Variants in DST observed in about 807,000 individuals in gnomAD.
DST encodes the protein bullous pemphigoid antigen.
A neutral mutation model predicts 875.2 loss-of-function variants in DST; 253 were observed. That is an observed-to-expected ratio of 0.29 (90% confidence interval 0.26 to 0.32). The LOEUF is 0.32. Ranked by LOEUF, DST falls within the 10% of genes least tolerant of loss-of-function variation. The pLI is 1.00. For missense variants in DST, 8,287 were observed against 9,111.6 expected (o/e 0.91, Z 3.68); for synonymous variants, 3,124 against 3,197.1 (o/e 0.98, Z 0.77).
intron 24 of DST, 22 bp downstream of exon 24, chr6:56,635,567 T>C: frequency 1.2e-6 from 2 of 1,613,024 alleles, no homozygotes; most frequent in Non-Finnish European, 1.7e-6. Flanking sequence ...ACTTATAAAA[T>C]GCATAGGTTT....
At chr6:56,547,163 C>T (rs1232856580) in intron 61 of DST, among the ~76,000 whole-genome samples, 1 of 152,062 alleles carries the variant, frequency 6.6e-6, no homozygotes, top group African/African-American at 2.4e-5. Flanking sequence ...TGGTATATTC[C>T]TTGTATCATG....
At position 56,900,460 on chromosome 6, in the gene DST, T is replaced by A. The variant is rs1353549852; in HGVS notation, c.378A>T (p.Glu126Asp). 7.3e-7 allele frequency: 1 copy of A among 1,367,616 alleles called. No homozygotes were observed. Among genetic ancestry groups the A allele is most frequent in the Non-Finnish European group, 9.8e-7 (1 of 1,021,872 alleles). 84.7% of individuals were successfully genotyped at this position (1,367,616 alleles called of 1,614,324 possible). A position where few individuals can be genotyped will look rare whatever the true frequency, so the allele number is the denominator to read the frequency against. ...RIKKSSRVQP[E>D]FYHSVQGASI... ...AAGCACCTTGAACAGAGTGATAAAATTCTGGCTGGACTCGGCTGCTCTTCT... is the reference window on the plus strand; with the variant it reads ...AAGCACCTTGAACAGAGTGATAAAAATCTGGCTGGACTCGGCTGCTCTTCT... The change falls in exon 3 of 104, where the codon GAA (glutamate) becomes GAT (aspartate). Residue 126 changes from glutamate to aspartate, a missense_variant. Glu to Asp is a conservative substitution (Grantham distance 45). Transcript: ENST00000680361.
intron 2 of DST, among the ~76,000 whole-genome samples, chr6:56,920,936 G>A (rs567446996): frequency 1.6e-4 from 21 of 131,368 alleles, no homozygotes; most frequent in Non-Finnish European, 2.6e-4. Context: ...CAGAGACAGG[G>A]TTTCCCTACG....
intron 4 of DST, among the ~76,000 whole-genome samples, chr6:56,765,724 A>G (rs2099631688): frequency 6.6e-6 from 1 of 152,160 alleles, no homozygotes; most frequent in African/African-American, 2.4e-5. Context: ...AAGTTAAAGC[A>G]ATTACTAGCA....
rs1433627829 is a variant in DST at position 56,509,833 on chromosome 6, C to T, written c.18821G>A (p.Arg6274His). Reference sequence around the variant, plus strand: ...TGGCTGCCTCAGACGTTCCACGATGCGTTCCAGGCTCTCAAGGATCTGATC... The same window carrying T: ...TGGCTGCCTCAGACGTTCCACGATGTGTTCCAGGCTCTCAAGGATCTGATC... ...KIDQILESLE[R>H]IVERLRQPPS... The change falls in exon 74 of 104, where the codon CGC (arginine) becomes CAC (histidine). Residue 6274 changes from arginine to histidine, a missense_variant. This residue lies in a region of DST where 1,292 missense variants were observed against 1,552.7 expected (regional missense o/e 0.83). Transcript: ENST00000680361. 5 of 1,613,288 alleles carry T rather than the reference C, an allele frequency of 3.1e-6. No homozygotes were observed. The highest frequency in any genetic ancestry group is 2.2e-5 in the South Asian group (2 of 90,950).
intron 49 of DST, 59 bp from the exon 50 acceptor site, chr6:56,578,996 G>T: frequency 7.3e-7 from 1 of 1,377,906 alleles, no homozygotes; most frequent in African/African-American, 1.5e-5. Context: ...GATTTCTAAT[G>T]TGGAAAAAAT....
chr6:56,629,233 C>T lies in DST; in HGVS notation c.4475+17G>A. ...ACATTAAATCTGTGCTAAAACTGAA[C>T]AAAAAAGGATACTAACCTGTTGTCA... On this transcript the variant is annotated intron_variant, in intron 32 of 103. Coordinates refer to ENST00000680361, the MANE Select transcript of DST (RefSeq NM_001374736.1). 1.9e-6 allele frequency: 3 copies of T among 1,613,022 alleles called. No individual in the cohort carries two copies. The highest frequency in any genetic ancestry group is 1.7e-6 in the Non-Finnish European group (2 of 1,179,242).
At chr6:56,499,905 A>C (rs2096064435) in intron 80 of DST, among the ~76,000 whole-genome samples, 1 of 152,190 alleles carries the variant, frequency 6.6e-6, no homozygotes, top group Non-Finnish European at 1.5e-5. Context: ...TTAGGGCTTT[A>C]AGCAAATGTA....
chr6:56,564,626 G>C (rs1281888818), intron 55 of DST, among the ~76,000 whole-genome samples: 1 of 152,196 alleles, frequency 6.6e-6, no homozygotes, highest in African/African-American at 2.4e-5. Flanking sequence ...GGACTGGTGA[G>C]AGAGGGCATC....
At chr6:56,679,340 C>T (rs780628852) in intron 9 of DST, among the ~76,000 whole-genome samples, 4 of 152,084 alleles carry the variant, frequency 2.6e-5, no homozygotes, top group Non-Finnish European at 4.4e-5. Flanking sequence ...AAAAGCATAC[C>T]ACCATGTGGA....
At chr6:56,861,884 G>C (rs1562211785) in intron 3 of DST, 1 of 152,310 alleles carries the variant, frequency 6.6e-6, no homozygotes, top group Non-Finnish European at 1.5e-5. Flanking sequence ...ACCAGGCCTG[G>C]CCTCATGGAG....
intron 36 of DST, chr6:56,615,293 A>C (rs1046517156): frequency 8.2e-6 from 11 of 1,346,648 alleles, no homozygotes; most frequent in Middle Eastern, 5.6e-4. Flanking sequence ...GTTTCAAAAA[A>C]CCATTCTCAA....
chr6:56,638,381 A>G (rs529482851), intron 22 of DST, among the ~76,000 whole-genome samples: 39 of 152,166 alleles, frequency 2.6e-4, no homozygotes, highest in Non-Finnish European at 5.6e-4. Flanking sequence ...AAGATCATAC[A>G]TAACATCCCT....
chr6:56,658,132 G>A (rs879261504), intron 10 of DST, among the ~76,000 whole-genome samples: 8 of 150,598 alleles, frequency 5.3e-5, no homozygotes, highest in African/African-American at 1.2e-4. Context: ...GCGCAATCTC[G>A]GCTCACTGCA....
chr6:56,592,878 G>T (rs1293979833), intron 48 of DST, among the ~76,000 whole-genome samples: 1 of 151,532 alleles, frequency 6.6e-6, no homozygotes, highest in African/African-American at 2.4e-5. Context: ...TATTTTCTTA[G>T]ATTTTTTTTT....
At chr6:56,782,517 G>C (rs1315244421) in intron 4 of DST, among the ~76,000 whole-genome samples, 1 of 152,184 alleles carries the variant, frequency 6.6e-6, no homozygotes, top group Non-Finnish European at 1.5e-5. Context: ...GCATAGAGGT[G>C]TTTGTAGTAT....
At chr6:56,632,784 C>T (rs1429273886) in intron 28 of DST, 70 bp downstream of exon 28, 91 of 1,299,640 alleles carry the variant, frequency 7.0e-5, no homozygotes, top group Non-Finnish European at 8.1e-5. Context: ...TTGAGATTCC[C>T]ATTGAGAGCA....
rs572339946 is a variant in DST at position 56,458,304 on chromosome 6, T to C, written c.*701A>G. On this transcript the variant is annotated 3_prime_UTR_variant, in exon 104 of 104. Coordinates refer to ENST00000680361, the MANE Select transcript of DST (RefSeq NM_001374736.1). ...CAAAATTGCTCTGATACAAAATGAG[T>C]TCAATGATACAGGTGCTACTGTCCA... The C allele has an allele frequency of 1.3e-5, 2 of 152,692 alleles. No homozygotes were observed. The highest frequency in any genetic ancestry group is 2.9e-5 in the Non-Finnish European group (2 of 68,026). 9.5% of individuals were successfully genotyped at this position (152,692 alleles called of 1,614,324 possible).
At chr6:56,513,874 G>GT (rs1245324495) in intron 72 of DST, among the ~76,000 whole-genome samples, 1 of 152,122 alleles carries the variant, frequency 6.6e-6, no homozygotes, top group Non-Finnish European at 1.5e-5. Flanking sequence ...CTATCATGTG[G>GT]TAACATGGCC....
Sources: allele counts gnomAD v4.1 joint callset (sites outside exome capture counted in the v4.1 genomes callset), GRCh38; gene constraint gnomAD v4.1.1; regional missense constraint gnomAD v4.1.1; transcripts MANE v1.5; gene names NCBI Gene and HGNC (gene_info 2026-07-23, HGNC 2026-07-21).